The following PSD3 variants were observed in gnomAD, a reference collection of about 807,000 sequenced individuals.
The protein encoded by PSD3 is PH and SEC7 domain-containing protein 3.
A neutral mutation model predicts 105.5 loss-of-function variants in PSD3; 49 were observed. The observed-to-expected ratio is 0.46, with a 90% CI of 0.37 to 0.59. The LOEUF (loss-of-function observed/expected upper bound fraction) is 0.59, where lower values mean the gene tolerates loss of function less well. PSD3 is among the 20% of genes least tolerant of loss of function. The probability of loss-of-function intolerance (pLI) is 0.00; values close to 1 mark genes in which losing one functional copy is unlikely to be tolerated. For missense variants in PSD3, 1,561 were observed against 1,263.8 expected, an observed-to-expected ratio of 1.24 and a Z score of -3.57; for synonymous variants, 557 against 457.8, an observed-to-expected ratio of 1.22 and a Z score of -2.77.
chr8:18,914,323 C>T (rs753284142), intron 2 of PSD3, among the ~76,000 whole-genome samples: 25 of 152,102 alleles, frequency 1.6e-4, no homozygotes, highest in Non-Finnish European at 2.8e-4. Context: ...CAAGGATGCC[C>T]ACTCTCACCA....
At chr8:19,035,058 T>C (rs1475255735) in intron 1 of PSD3, among the ~76,000 whole-genome samples, 1 of 152,220 alleles carries the variant, frequency 6.6e-6, no homozygotes, top group Non-Finnish European at 1.5e-5. Flanking sequence ...GATGAAATGT[T>C]CATTTTTGAC....
chr8:18,542,399 G>T (rs993521999), intron 15 of PSD3, among the ~76,000 whole-genome samples: 2 of 152,140 alleles, frequency 1.3e-5, no homozygotes, highest in African/African-American at 4.8e-5. Flanking sequence ...TGGGTCAGAG[G>T]ATATTAGCCT....
chr8:19,023,745 T>G (rs1827444767), intron 1 of PSD3, among the ~76,000 whole-genome samples: 1 of 152,174 alleles, frequency 6.6e-6, no homozygotes, highest in Non-Finnish European at 1.5e-5. Flanking sequence ...CTACTGTATT[T>G]AGACATTGCA....
At chr8:18,589,386 G>C (rs1054541066) in intron 12 of PSD3, among the ~76,000 whole-genome samples, 1 of 152,010 alleles carries the variant, frequency 6.6e-6, no homozygotes, top group Non-Finnish European at 1.5e-5. Context: ...GTGATCTTTG[G>C]GTTTCAGCTA....
chr8:18,685,094 C>A (rs766762311), intron 9 of PSD3, among the ~76,000 whole-genome samples: 3 of 152,282 alleles, frequency 2.0e-5, no homozygotes, highest in Middle Eastern at 3.4e-3. Flanking sequence ...ACAAAGACCA[C>A]TCTGGGAAAA....
intron 9 of PSD3, among the ~76,000 whole-genome samples, chr8:18,699,559 TTC>T (rs1801454927): frequency 6.6e-6 from 1 of 152,178 alleles, no homozygotes; most frequent in Admixed American, 6.5e-5. Context: ...TTGACTAACC[TTC>T]TACTCACTTG....
intron 8 of PSD3, among the ~76,000 whole-genome samples, chr8:18,775,897 G>A (rs189769078): frequency 2.8e-4 from 42 of 151,860 alleles, no homozygotes; most frequent in Non-Finnish European, 4.3e-4. Flanking sequence ...CCCCTCCCCC[G>A]CCGACCCCCT....
At chr8:18,916,906 G>A (rs1469970329) in intron 2 of PSD3, among the ~76,000 whole-genome samples, 3 of 151,798 alleles carry the variant, frequency 2.0e-5, no homozygotes, top group African/African-American at 4.8e-5. Context: ...GGAAATAAGG[G>A]AGAGAAGTCT....
intron 12 of PSD3, among the ~76,000 whole-genome samples, chr8:18,583,836 G>A (rs751959835): frequency 6.6e-6 from 1 of 152,020 alleles, no homozygotes; most frequent in Non-Finnish European, 1.5e-5. Flanking sequence ...AGCTCCTTTG[G>A]GCACCGTATC....
At chr8:18,777,930 A>G (rs1380389997) in intron 8 of PSD3, among the ~76,000 whole-genome samples, 4 of 152,194 alleles carry the variant, frequency 2.6e-5, no homozygotes, top group African/African-American at 9.7e-5. Context: ...TACTTCACTC[A>G]ATATAATGAA....
At position 18,534,227 on chromosome 8, in the gene PSD3, G is replaced by C. The variant is rs1799742400; in HGVS notation, c.*1516C>G. 6.6e-6 allele frequency: 1 copy of C among 152,516 alleles called. No homozygotes were observed. Among genetic ancestry groups the C allele is most frequent in the Non-Finnish European group, 1.5e-5 (1 of 68,022 alleles). The allele number at this position is 152,516 out of a possible 1,614,324, so 9.4% of individuals were successfully genotyped here. ...ATAGAACTAGAGAAACTTTCTAAGG[G>C]AGGAAAAAGAAAAATCAAAGTGATA... On this transcript the variant is annotated 3_prime_UTR_variant, in exon 16 of 16. Transcript: ENST00000327040.
intron 1 of PSD3, among the ~76,000 whole-genome samples, chr8:19,065,590 C>T (rs377368031): frequency 2.1e-4 from 32 of 152,272 alleles, no homozygotes; most frequent in African/African-American, 7.0e-4. Context: ...GAAACACGTT[C>T]GCTGGTTTAT....
In PSD3 at chr8:18,894,009, G is replaced by A. The variant is rs73202147; in HGVS notation, c.131-21276C>T. ...ATATCTATCATCCAATCAACACACC[G>A]GTGCGGTGGCAAATGTACCCTAAGT... On this transcript the variant is annotated intron_variant, in intron 2 of 15. Coordinates refer to ENST00000327040, the MANE Select transcript of PSD3 (RefSeq NM_015310.4). Among the ~76,000 whole-genome samples, 281 of 152,192 alleles carry A rather than the reference G, an allele frequency of 1.8e-3. 1 individual carries two copies. Among genetic ancestry groups the A allele is most frequent in the Non-Finnish European group, 3.3e-3 (223 of 68,018 alleles).
intron 12 of PSD3, among the ~76,000 whole-genome samples, chr8:18,582,730 C>T (rs1050482149): frequency 2.6e-5 from 4 of 151,994 alleles, no homozygotes; most frequent in Non-Finnish European, 4.4e-5. Flanking sequence ...TCCATCTTAC[C>T]CCTGCCCTTG....
chr8:18,593,794 C>G (rs561153615), intron 12 of PSD3, among the ~76,000 whole-genome samples: 70 of 151,604 alleles, frequency 4.6e-4, no homozygotes, highest in African/African-American at 1.6e-3. Context: ...CTATGCAGCC[C>G]TAAAAAAGGA....
At chr8:18,865,069 A>T (rs925688511) in intron 4 of PSD3, 1 of 151,420 alleles carries the variant, frequency 6.6e-6, no homozygotes, top group Non-Finnish European at 1.5e-5. Context: ...AATCCGATCA[A>T]AAGAAGAATA....
intron 1 of PSD3, among the ~76,000 whole-genome samples, chr8:18,987,538 C>T (rs1039079980): frequency 1.3e-5 from 2 of 152,048 alleles, no homozygotes; most frequent in Non-Finnish European, 2.9e-5. Context: ...CCACCCGCCT[C>T]GGCCTCCCAA....
At chr8:18,954,646 G>A (rs906494886) in intron 1 of PSD3, among the ~76,000 whole-genome samples, 1 of 152,134 alleles carries the variant, frequency 6.6e-6, no homozygotes, top group African/African-American at 2.4e-5. Context: ...GATGCACAAA[G>A]TAACATCCTG....
intron 8 of PSD3, among the ~76,000 whole-genome samples, chr8:18,782,645 C>T (rs1474490099): frequency 6.6e-6 from 1 of 152,172 alleles, no homozygotes; most frequent in Non-Finnish European, 1.5e-5. Context: ...CCTTGGTCTT[C>T]AAGTGGATTG....
Sources: gnomAD v4.1 joint callset for allele counts (sites outside exome capture counted in the v4.1 genomes callset) on GRCh38, gnomAD v4.1.1 for gene constraint, MANE v1.5 for transcripts, NCBI Gene and HGNC (gene_info 2026-07-23, HGNC 2026-07-21) for gene names.